CADM2: variants seen among roughly 807,000 people sequenced by gnomAD.
The protein encoded by CADM2 is immunoglobulin superfamily member 4D.
CADM2 carries 12 observed loss-of-function variants against 49.8 expected under a neutral mutation model. The ratio of observed to expected loss-of-function variants is 0.24; its 90% CI spans 0.15 to 0.39. CADM2 has a LOEUF of 0.39. CADM2 is among the 10% of genes least tolerant of loss of function. The pLI, the probability that CADM2 is intolerant of heterozygous loss-of-function variation, is 1.00. For synonymous variants in CADM2, 214 were observed against 175.4 expected, an observed-to-expected ratio of 1.22 and a Z score of -1.74; for missense variants, 378 against 492.3, an observed-to-expected ratio of 0.77 and a Z score of 2.20.
intron 1 of CADM2, among the ~76,000 whole-genome samples, chr3:85,144,385 CA>C (rs2039669632): frequency 6.6e-6 from 1 of 152,002 alleles, no homozygotes; most frequent in African/African-American, 2.4e-5. Context: ...CCGAGGCGGG[CA>C]GATCACTTGA....
chr3:85,905,212 T>C (rs1483310636), intron 5 of CADM2, among the ~76,000 whole-genome samples: 5 of 152,126 alleles, frequency 3.3e-5, no homozygotes, highest in African/African-American at 4.8e-5. Flanking sequence ...AGAATTACAA[T>C]GGCTGTGGAA....
chr3:85,126,040 T>C (rs2039023039), intron 1 of CADM2, among the ~76,000 whole-genome samples: 1 of 152,190 alleles, frequency 6.6e-6, no homozygotes, highest in African/African-American at 2.4e-5. Context: ...TGATATCATA[T>C]ATACATTACT....
chr3:85,886,387 GA>G, intron 5 of CADM2, 60 bp downstream of exon 5: 5 of 1,285,254 alleles, frequency 3.9e-6, no homozygotes, highest in Non-Finnish European at 5.6e-6. Flanking sequence ...GACATGTTAA[GA>G]AAAAGGCATT....
chr3:85,750,704 T>C (rs2107858221), intron 2 of CADM2, among the ~76,000 whole-genome samples: 1 of 152,194 alleles, frequency 6.6e-6, no homozygotes, highest in African/African-American at 2.4e-5. Flanking sequence ...ACAGAATATT[T>C]ACTATCTTGG....
At chr3:85,017,263 T>C (rs754961886) in intron 1 of CADM2, among the ~76,000 whole-genome samples, 10 of 152,226 alleles carry the variant, frequency 6.6e-5, no homozygotes, top group Non-Finnish European at 1.0e-4. Flanking sequence ...TTCCAAGAAG[T>C]GTAGGTGAGA....
At chr3:85,555,312 C>A (rs1394014931) in intron 1 of CADM2, among the ~76,000 whole-genome samples, 1 of 152,128 alleles carries the variant, frequency 6.6e-6, no homozygotes, top group African/African-American at 2.4e-5. Flanking sequence ...TTCTGTCACA[C>A]TCCCTGTATC....
In CADM2 at chr3:85,367,993, A is replaced by G. The variant is rs2032922833; in HGVS notation, c.62-358529A>G. ...TATATTCTCATTTCAATCTTGGGGG[A>G]TGTTTAGACTACAACGTAGAAGAAA... On this transcript the variant is annotated intron_variant, in intron 1 of 9. Coordinates refer to ENST00000383699, the MANE Select transcript of CADM2 (RefSeq NM_001167675.2). Among the ~76,000 whole-genome samples the G allele has an allele frequency of 2.0e-5, 3 of 152,110 alleles. No homozygotes were observed. The South Asian group carries it at 6.2e-4, about 32-fold the overall frequency.
intron 1 of CADM2, among the ~76,000 whole-genome samples, chr3:85,254,653 A>G (rs115671277): frequency 6.6e-6 from 1 of 152,232 alleles, no homozygotes; most frequent in Non-Finnish European, 1.5e-5. Flanking sequence ...TTCGTTCATG[A>G]ATGTGAGAAG....
At chr3:85,141,047 A>G (rs2107627778) in intron 1 of CADM2, among the ~76,000 whole-genome samples, 1 of 152,286 alleles carries the variant, frequency 6.6e-6, no homozygotes, top group South Asian at 2.1e-4. Flanking sequence ...AAATATATGT[A>G]TTAGTAGCAT....
At chr3:86,040,674 G>A (rs1035422839) in intron 8 of CADM2, among the ~76,000 whole-genome samples, 10 of 152,178 alleles carry the variant, frequency 6.6e-5, no homozygotes, top group African/African-American at 2.4e-4. Context: ...TATTATCCAG[G>A]AGAACTTCCC....
At chr3:85,715,347 A>G (rs950961565) in intron 1 of CADM2, among the ~76,000 whole-genome samples, 3 of 152,244 alleles carry the variant, frequency 2.0e-5, no homozygotes, top group African/African-American at 7.2e-5. Context: ...TTTAGTTTGC[A>G]TGCATTTAAT....
intron 1 of CADM2, among the ~76,000 whole-genome samples, chr3:85,487,566 A>AGGAGGAGGAGGAAGT (rs2039474122): frequency 6.9e-6 from 1 of 145,574 alleles, no homozygotes; most frequent in South Asian, 2.2e-4. Flanking sequence ...GAGGAGGAAT[A>AGGAGGAGGAGGAAGT]GGAGGAGGAG....
chr3:85,282,693 C>T (rs1156690433), intron 1 of CADM2, among the ~76,000 whole-genome samples: 1 of 151,994 alleles, frequency 6.6e-6, no homozygotes, highest in East Asian at 1.9e-4. Flanking sequence ...ATTTGGCTTA[C>T]AATATTCCTC....
At chr3:85,148,002 G>A (rs957102278) in intron 1 of CADM2, among the ~76,000 whole-genome samples, 3 of 152,090 alleles carry the variant, frequency 2.0e-5, no homozygotes, top group African/African-American at 4.8e-5. Flanking sequence ...TGCTGTTGTT[G>A]GAGCAATGAT....
At chr3:85,313,903 T>G (rs2044402653) in intron 1 of CADM2, among the ~76,000 whole-genome samples, 1 of 152,188 alleles carries the variant, frequency 6.6e-6, no homozygotes, top group Admixed American at 6.5e-5. Context: ...TTTATTTATT[T>G]ATTTTGAGAT....
chr3:85,122,935 T>G (rs2038915068), intron 1 of CADM2, among the ~76,000 whole-genome samples: 1 of 152,146 alleles, frequency 6.6e-6, no homozygotes. Context: ...CAAACTGAGC[T>G]AAGTGTTCAC....
intron 8 of CADM2, among the ~76,000 whole-genome samples, chr3:86,046,829 G>C (rs1578054173): frequency 6.9e-6 from 1 of 144,798 alleles, no homozygotes; most frequent in African/African-American, 2.5e-5. Context: ...GTGAGTGTTA[G>C]CTTTTTCTTT....
At chr3:85,703,205 T>G (rs2066836106) in intron 1 of CADM2, among the ~76,000 whole-genome samples, 1 of 152,108 alleles carries the variant, frequency 6.6e-6, no homozygotes, top group Admixed American at 6.6e-5. Flanking sequence ...CACAAGAAAC[T>G]TTTGTTATAG....
At chr3:85,959,797 A>C (rs1577784485) in intron 7 of CADM2, among the ~76,000 whole-genome samples, 1 of 151,964 alleles carries the variant, frequency 6.6e-6, no homozygotes, top group Admixed American at 6.6e-5. Flanking sequence ...CATAATCAAT[A>C]GGCTATAGCA....
Sources: allele counts gnomAD v4.1 joint callset (sites outside exome capture counted in the v4.1 genomes callset), GRCh38; gene constraint gnomAD v4.1.1; transcripts MANE v1.5; gene names NCBI Gene and HGNC (gene_info 2026-07-23, HGNC 2026-07-21).